Variants in OCA2 observed in about 807,000 individuals in gnomAD.
The protein encoded by OCA2 is P protein.
Under a neutral mutation model 100.2 loss-of-function variants are expected in OCA2, and 77 were observed. That is an observed-to-expected ratio of 0.77 (90% CI 0.64 to 0.93). OCA2 has a LOEUF of 0.93. Ranked by LOEUF, OCA2 falls within the 40% of genes least tolerant of loss-of-function variation. The probability of loss-of-function intolerance (pLI) is 0.00; values close to 1 mark genes in which losing one functional copy is unlikely to be tolerated. For synonymous variants in OCA2, 432 were observed against 439.2 expected (o/e 0.98, Z 0.21); for missense variants, 1,062 against 1,089.1 (o/e 0.98, Z 0.35).
chr15:27,913,872 A>G (rs867528507), intron 19 of OCA2, among the ~76,000 whole-genome samples: 4 of 57,752 alleles, frequency 6.9e-5, no homozygotes, highest in East Asian at 4.5e-3. Flanking sequence ...AGAAAGAAAG[A>G]AAGAAAGAAA....
At chr15:28,086,270 G>A (rs1480114118) in intron 1 of OCA2, among the ~76,000 whole-genome samples, 1 of 152,232 alleles carries the variant, frequency 6.6e-6, no homozygotes, top group Non-Finnish European at 1.5e-5. Context: ...CAGCAGTAAT[G>A]AGGCCACTCC....
intron 14 of OCA2, among the ~76,000 whole-genome samples, chr15:27,968,948 G>A (rs1434287268): frequency 6.6e-6 from 1 of 150,556 alleles, no homozygotes; most frequent in Non-Finnish European, 1.5e-5. Flanking sequence ...ACTTTTAGGG[G>A]CTTATGAAAC....
intron 18 of OCA2, among the ~76,000 whole-genome samples, chr15:27,936,812 G>A (rs1372599893): frequency 6.6e-6 from 1 of 152,170 alleles, no homozygotes; most frequent in Non-Finnish European, 1.5e-5. Flanking sequence ...GAAGCTAATG[G>A]CTTCCATTCA....
chr15:27,770,756 T>C (rs1280629259), intron 23 of OCA2, among the ~76,000 whole-genome samples: 8 of 64,410 alleles, frequency 1.2e-4, no homozygotes, highest in Middle Eastern at 7.4e-3. Context: ...CTTCCTTCCT[T>C]CCTCTCTCCC....
At chr15:27,912,320 G>A (rs1343035604) in intron 19 of OCA2, among the ~76,000 whole-genome samples, 1 of 152,120 alleles carries the variant, frequency 6.6e-6, no homozygotes, top group African/African-American at 2.4e-5. Context: ...CCCAATACAA[G>A]GAATGAGAAA....
At chr15:28,032,815 C>T (rs145921173) in intron 2 of OCA2, among the ~76,000 whole-genome samples, 2 of 143,320 alleles carry the variant, frequency 1.4e-5, no homozygotes, top group Non-Finnish European at 3.1e-5. Flanking sequence ...AAAAACAAAA[C>T]AAAAAAACAT....
rs147835573 is a variant in OCA2 at position 27,895,027 on chromosome 15, G to A, written c.2080-23105C>T. On this transcript the variant is annotated intron_variant, in intron 19 of 23. Transcript: ENST00000354638. ...CACTCATACCACAAACCAGCCAACA[G>A]AAGAGATGCTGGCATTTGTAGCTAG... 3.2e-4 allele frequency among the ~76,000 whole-genome samples: 49 copies of A among 152,326 alleles called. No individual in the cohort carries two copies. The East Asian group carries it at 9.1e-3, about 28-fold the overall frequency.
intron 2 of OCA2, among the ~76,000 whole-genome samples, chr15:28,048,921 G>A (rs2043424272): frequency 6.6e-6 from 1 of 152,118 alleles, no homozygotes; most frequent in African/African-American, 2.4e-5. Context: ...AGGATGGCCT[G>A]AACCCGGGAG....
intron 19 of OCA2, among the ~76,000 whole-genome samples, chr15:27,902,368 G>T (rs949126173): frequency 2.0e-5 from 3 of 152,098 alleles, no homozygotes. Context: ...ATTATGCTTG[G>T]AATATTATAT....
At position 27,880,173 on chromosome 15, in the gene OCA2, C is replaced by T. The variant is rs575700042; in HGVS notation, c.2080-8251G>A. Among the ~76,000 whole-genome samples the T allele has an allele frequency of 2.6e-5, 4 of 152,044 alleles. No individual in the cohort carries two copies. In the East Asian group the frequency reaches 7.8e-4, roughly 29 times the overall value. On this transcript the variant is annotated intron_variant, in intron 19 of 23. Coordinates refer to ENST00000354638, the MANE Select transcript of OCA2 (RefSeq NM_000275.3). ...GATCAGATGGTTGTAGATGTGCGGT[C>T]TTATTTCTGAGATCTCTATTCTGTT...
intron 4 of OCA2, among the ~76,000 whole-genome samples, chr15:28,025,839 C>A (rs1211653935): frequency 2.0e-5 from 3 of 152,240 alleles, no homozygotes; most frequent in Admixed American, 1.3e-4. Context: ...GTTGGAACAT[C>A]TTTTTAATAC....
chr15:28,009,072 G>A lies in OCA2; in HGVS notation c.1044+5704C>T, dbSNP rs568972563. On this transcript the variant is annotated intron_variant, in intron 9 of 23. Transcript: ENST00000354638. ...GCAATGTTGGCTCCACTGCTGGAGA[G>A]CCCATAGGGCTGGCGATTGCATCCA... 1.3e-5 allele frequency among the ~76,000 whole-genome samples: 2 copies of A among 152,328 alleles called. 1 individual carries two copies. Among genetic ancestry groups the A allele is most frequent in the Middle Eastern group, 6.8e-3 (2 of 294 alleles).
At chr15:28,006,524 G>A (rs112724575) in intron 9 of OCA2, among the ~76,000 whole-genome samples, 3,950 of 152,332 alleles carry the variant, frequency 0.026, 202 homozygotes, top group African/African-American at 0.091. Flanking sequence ...GAAGACCTAT[G>A]TCCCATCCCG....
At chr15:28,064,420 GCTTTCC>G (rs2043963898) in intron 2 of OCA2, among the ~76,000 whole-genome samples, 1 of 151,298 alleles carries the variant, frequency 6.6e-6, no homozygotes, top group Non-Finnish European at 1.5e-5. Flanking sequence ...CTATTTGATG[GCTTTCC>G]ACAGGTCCCT....
chr15:27,774,218 C>T (rs1566952591), intron 23 of OCA2, among the ~76,000 whole-genome samples: 1 of 151,838 alleles, frequency 6.6e-6, no homozygotes, highest in East Asian at 1.9e-4. Flanking sequence ...CCTCACCCCA[C>T]TGTGGGGGGC....
At chr15:28,020,867 A>T (rs2042572296) in intron 6 of OCA2, among the ~76,000 whole-genome samples, 1 of 152,024 alleles carries the variant, frequency 6.6e-6, no homozygotes, top group South Asian at 2.1e-4. Context: ...GCTCACCAGA[A>T]AGCCTCAAGT....
chr15:28,002,815 T>C (rs545129485), intron 9 of OCA2, among the ~76,000 whole-genome samples: 1 of 152,360 alleles, frequency 6.6e-6, no homozygotes, highest in African/African-American at 2.4e-5. Context: ...TGTTATCTGA[T>C]GTGTTCCCTT....
At chr15:27,780,683 G>A (rs1174624668) in intron 23 of OCA2, among the ~76,000 whole-genome samples, 1 of 152,192 alleles carries the variant, frequency 6.6e-6, no homozygotes, top group Non-Finnish European at 1.5e-5. Flanking sequence ...CCAAGGGTTG[G>A]ATATATTACG....
intron 23 of OCA2, among the ~76,000 whole-genome samples, chr15:27,801,515 G>GCACTTCA (rs1442124963): frequency 1.6e-5 from 2 of 124,772 alleles, no homozygotes; most frequent in Admixed American, 1.0e-4. Flanking sequence ...TCATGCCACT[G>GCACTTCA]CACTTCAGCC....
Sources: allele counts gnomAD v4.1 joint callset (sites outside exome capture counted in the v4.1 genomes callset), GRCh38; gene constraint gnomAD v4.1.1; transcripts MANE v1.5; gene names NCBI Gene and HGNC (gene_info 2026-07-23, HGNC 2026-07-21).